Variants in NAALADL2 observed in about 807,000 individuals in gnomAD.
NAALADL2 encodes N-acetylated alpha-linked acidic dipeptidase like 2.
A neutral mutation model predicts 87.2 loss-of-function variants in NAALADL2; 76 were observed. That is an observed-to-expected ratio of 0.87 (90% CI 0.72 to 1.05). NAALADL2 has a LOEUF of 1.05. Ranked by LOEUF, NAALADL2 falls within the 50% of genes least tolerant of loss-of-function variation. The pLI is 0.00. For synonymous variants in NAALADL2, 354 were observed against 331.0 expected, an observed-to-expected ratio of 1.07 and a Z score of -0.75; for missense variants, 1,089 against 945.8, an observed-to-expected ratio of 1.15 and a Z score of -1.99.
At chr3:175,384,037 A>G (rs1768084589) in intron 5 of NAALADL2, among the ~76,000 whole-genome samples, 1 of 152,008 alleles carries the variant, frequency 6.6e-6, no homozygotes, top group Admixed American at 6.6e-5. Flanking sequence ...GGCTCTTACA[A>G]TAAATTAGAT....
chr3:175,045,811 T>C (rs1754595486), intron 1 of NAALADL2, among the ~76,000 whole-genome samples: 1 of 152,156 alleles, frequency 6.6e-6, no homozygotes, highest in Admixed American at 6.6e-5. Flanking sequence ...ATAAACACTA[T>C]GTGTATCTTC....
intron 11 of NAALADL2, among the ~76,000 whole-genome samples, chr3:175,732,139 T>A (rs1484320100): frequency 6.6e-6 from 1 of 152,186 alleles, no homozygotes; most frequent in Non-Finnish European, 1.5e-5. Flanking sequence ...ATTTTTGTGA[T>A]CACTCTGCTG....
chr3:175,608,099 C>A (rs1172086587), intron 10 of NAALADL2, among the ~76,000 whole-genome samples: 1 of 151,258 alleles, frequency 6.6e-6, no homozygotes, highest in South Asian at 2.1e-4. Flanking sequence ...TGTGGCCACT[C>A]AAATATCATG....
rs148377373 is a variant in NAALADL2 at position 174,739,167 on chromosome 3, T to A, written c.-9+1421T>A. ...TTTTATTTTCCTTTATTTTATTTTT[T>A]ACAGCAGTGGAGTGTATTCTTTTTT... On this transcript the variant is annotated intron_variant, in intron 3 of 3. Coordinates refer to the NAALADL2 transcript ENST00000434257. Among the ~76,000 whole-genome samples, 727 of 152,278 alleles carry A rather than the reference T, an allele frequency of 4.8e-3. 3 individuals are homozygous for A. The highest frequency in any genetic ancestry group is 8.0e-3 in the Non-Finnish European group (547 of 68,012).
chr3:175,731,323 C>T (rs1743710141), intron 11 of NAALADL2, among the ~76,000 whole-genome samples: 1 of 152,112 alleles, frequency 6.6e-6, no homozygotes, highest in Non-Finnish European at 1.5e-5. Flanking sequence ...TTCCATACAG[C>T]TCTGATACCT....
chr3:174,931,608 G>A (rs1382898804), intron 1 of NAALADL2, among the ~76,000 whole-genome samples: 1 of 152,158 alleles, frequency 6.6e-6, no homozygotes, highest in Non-Finnish European at 1.5e-5. Flanking sequence ...AACAAATTAT[G>A]AGACATCCCT....
At chr3:175,802,183 TTGA>T (rs998523615) in intron 13 of NAALADL2, among the ~76,000 whole-genome samples, 3 of 152,042 alleles carry the variant, frequency 2.0e-5, no homozygotes, top group East Asian at 1.9e-4. Flanking sequence ...TTAGAAAACA[TTGA>T]TGATACCATT....
chr3:175,149,098 T>C (rs1731183302), intron 2 of NAALADL2, among the ~76,000 whole-genome samples: 1 of 152,184 alleles, frequency 6.6e-6, no homozygotes, highest in Non-Finnish European at 1.5e-5. Context: ...GTGTTTTTCC[T>C]TTTTTGTGTG....
chr3:175,053,298 G>A (rs941290119), intron 1 of NAALADL2, among the ~76,000 whole-genome samples: 3 of 152,142 alleles, frequency 2.0e-5, no homozygotes, highest in African/African-American at 7.2e-5. Flanking sequence ...CATGGCAATG[G>A]TGATCACCGC....
In NAALADL2 at chr3:174,796,362, C is replaced by G. The variant is rs142311616; in HGVS notation, c.-9+58616C>G. Among the ~76,000 whole-genome samples, 815 of 152,210 alleles carry G rather than the reference C, an allele frequency of 5.4e-3. 9 individuals are homozygous for G. Among genetic ancestry groups the G allele is most frequent in the African/African-American group, 0.019 (774 of 41,532 alleles). On this transcript the variant is annotated intron_variant, in intron 3 of 3. Transcript: ENST00000434257. ...ACCCATTAAGTAATTTCTCATCATA[C>G]CACCCCTCCCAAATGCTTTCCACCC...
intron 9 of NAALADL2, among the ~76,000 whole-genome samples, chr3:175,507,596 G>A (rs1382448936): frequency 1.3e-5 from 2 of 151,898 alleles, no homozygotes; most frequent in African/African-American, 2.4e-5. Flanking sequence ...CTAATTTTTT[G>A]TACTTTTAGT....
intron 13 of NAALADL2, among the ~76,000 whole-genome samples, chr3:175,789,983 A>G (rs578226464): frequency 6.6e-6 from 1 of 152,292 alleles, no homozygotes; most frequent in South Asian, 2.1e-4. Context: ...AGTCTAGAGC[A>G]TCTAGGAAAG....
At chr3:174,982,486 A>G (rs539722844) in intron 1 of NAALADL2, among the ~76,000 whole-genome samples, 5 of 152,364 alleles carry the variant, frequency 3.3e-5, no homozygotes, top group African/African-American at 1.2e-4. Context: ...CTATTATTCC[A>G]TAAAAATATT....
At chr3:174,751,609 G>A (rs1437155428) in intron 3 of NAALADL2, among the ~76,000 whole-genome samples, 4 of 148,552 alleles carry the variant, frequency 2.7e-5, no homozygotes. Flanking sequence ...GTTGCAGTGA[G>A]CCGAGATCGT....
At chr3:174,686,834 A>T (rs1728087925) in intron 2 of NAALADL2, among the ~76,000 whole-genome samples, 1 of 152,132 alleles carries the variant, frequency 6.6e-6, no homozygotes, top group African/African-American at 2.4e-5. Flanking sequence ...ATAATTATAA[A>T]ACTATAAAAG....
chr3:174,549,002 G>A (rs1372134181), intron 1 of NAALADL2, among the ~76,000 whole-genome samples: 8 of 152,064 alleles, frequency 5.3e-5, no homozygotes, highest in African/African-American at 1.2e-4. Context: ...CACCATGCCC[G>A]GCTAATTTGT....
chr3:174,997,385 T>C (rs1449082426), intron 1 of NAALADL2, among the ~76,000 whole-genome samples: 4 of 152,136 alleles, frequency 2.6e-5, no homozygotes, highest in African/African-American at 9.7e-5. Context: ...AGAGAGTTCA[T>C]TCCAAGGTCT....
intron 5 of NAALADL2, among the ~76,000 whole-genome samples, chr3:175,443,960 G>A (rs995227418): frequency 2.5e-4 from 38 of 152,332 alleles, no homozygotes; most frequent in African/African-American, 9.1e-4. Context: ...TACTTTAGAT[G>A]CATGTGATGC....
intron 2 of NAALADL2, among the ~76,000 whole-genome samples, chr3:174,588,882 G>A (rs563565779): frequency 3.5e-4 from 53 of 152,258 alleles, no homozygotes; most frequent in Non-Finnish European, 5.4e-4. Flanking sequence ...CATGCTATGA[G>A]GACCACTACT....
Sources: gnomAD v4.1 joint callset for allele counts (sites outside exome capture counted in the v4.1 genomes callset) on GRCh38, gnomAD v4.1.1 for gene constraint, MANE v1.5 for transcripts, NCBI Gene and HGNC (gene_info 2026-07-23, HGNC 2026-07-21) for gene names.